Variants in SLC75A1 observed in about 807,000 individuals in gnomAD.
SLC75A1 encodes the protein major facilitator superfamily domain containing 10.
At chr4:2,934,333 C>T in the SLC75A1 span, 1 of 221,514 alleles carries the variant, frequency 4.5e-6, no homozygotes, top group African/African-American at 2.3e-5. Context: ...CAGCCCCGGC[C>T]CGCGCCCCGC....
chr4:2,932,313 C>T, the SLC75A1 span: 2 of 1,594,870 alleles, frequency 1.3e-6, no homozygotes. Context: ...ATCAAGCCTC[C>T]AGCCCCTAGG....
chr4:2,931,902 GT>G, the SLC75A1 span: 1 of 1,611,284 alleles, frequency 6.2e-7, no homozygotes, highest in Non-Finnish European at 8.5e-7. Flanking sequence ...GGTAGAGGAA[GT>G]AGACTAGGCC....
chr4:2,931,955 T>C, the SLC75A1 span: 2 of 1,602,796 alleles, frequency 1.2e-6, no homozygotes, highest in East Asian at 2.2e-5. Context: ...AGGTGGCGCG[T>C]GCTGAGAAGG....
chr4:2,931,608 C>T, the SLC75A1 span: 1 of 1,613,614 alleles, frequency 6.2e-7, no homozygotes, highest in South Asian at 1.1e-5. Context: ...GCATAGGCAC[C>T]CTGGATGGTG....
chr4:2,930,729 C>T, the SLC75A1 span: 1 of 1,309,452 alleles, frequency 7.6e-7, no homozygotes. Context: ...CCGGCCCCCA[C>T]CCACAGGGTC....
chr4:2,933,488 G>T, the SLC75A1 span: 1 of 1,466,634 alleles, frequency 6.8e-7, no homozygotes, highest in South Asian at 1.1e-5. Context: ...ACCGAGAATT[G>T]GGGAGGGGCC....
the SLC75A1 span, chr4:2,930,708 C>G: frequency 3.9e-6 from 4 of 1,015,876 alleles, no homozygotes; most frequent in Admixed American, 8.5e-5. Context: ...CCTGAGCTTC[C>G]TGCTTAGGGG....
chr4:2,931,899 G>T, the SLC75A1 span: 1 of 1,611,476 alleles, frequency 6.2e-7, no homozygotes, highest in Non-Finnish European at 8.5e-7. Flanking sequence ...AGAGGTAGAG[G>T]AAGTAGACTA....
chr4:2,931,096 A>G, the SLC75A1 span: 2 of 1,594,528 alleles, frequency 1.3e-6, no homozygotes, highest in Non-Finnish European at 1.7e-6. Flanking sequence ...GGCCCTGGCC[A>G]GAGCACCTAG....
the SLC75A1 span, chr4:2,931,766 C>T: frequency 6.5e-7 from 1 of 1,547,700 alleles, no homozygotes; most frequent in African/African-American, 1.4e-5. Flanking sequence ...GGGGTTGCTT[C>T]CCTGAAGCAG....
At chr4:2,934,380 G>T in the SLC75A1 span, 1 of 194,652 alleles carries the variant, frequency 5.1e-6, no homozygotes, top group African/African-American at 2.5e-5. Flanking sequence ...TCTCCCTGGC[G>T]GGGGCCATGG....
chr4:2,931,456 G>A, the SLC75A1 span: 7 of 1,570,150 alleles, frequency 4.5e-6, no homozygotes, highest in Admixed American at 5.7e-5. Flanking sequence ...GGCACCAGCA[G>A]CAGGAGGGCC....
At chr4:2,933,687 A>C in the SLC75A1 span, 1 of 1,612,342 alleles carries the variant, frequency 6.2e-7, no homozygotes. Context: ...AATCACGATA[A>C]GGGCTGGGGA....
chr4:2,933,973 C>A, the SLC75A1 span: 2 of 1,522,596 alleles, frequency 1.3e-6, no homozygotes, highest in East Asian at 2.5e-5. Context: ...GTCGGGTTAG[C>A]GGGGAAGCCG....
At chr4:2,930,983 C>T in the SLC75A1 span, 6 of 1,612,710 alleles carry the variant, frequency 3.7e-6, no homozygotes, top group Non-Finnish European at 5.1e-6. Flanking sequence ...TCACCCAGTC[C>T]CCGAGGGGGC....
chr4:2,931,801 G>A, the SLC75A1 span: 2 of 1,571,266 alleles, frequency 1.3e-6, no homozygotes, highest in Non-Finnish European at 8.7e-7. Context: ...GGAGACAGCA[G>A]GCCGTCGCCA....
At chr4:2,932,249 C>A in the SLC75A1 span, 1 of 1,549,444 alleles carries the variant, frequency 6.5e-7, no homozygotes, top group South Asian at 1.2e-5. Flanking sequence ...GAGAGCGGCC[C>A]AGCCTCCCTG....
the SLC75A1 span, chr4:2,933,890 GC>G: frequency 6.3e-7 from 1 of 1,576,272 alleles, no homozygotes; most frequent in Admixed American, 1.8e-5. Context: ...ATGGGTGGGC[GC>G]GGGGTGCAGC....
the SLC75A1 span, chr4:2,932,754 C>A: frequency 6.4e-7 from 1 of 1,560,714 alleles, no homozygotes; most frequent in African/African-American, 1.4e-5. Flanking sequence ...GGTGGCCACA[C>A]CCATCTGCCC....
Sources: allele counts gnomAD v4.1 joint callset, GRCh38; gene constraint gnomAD v4.1.1; transcripts MANE v1.5; gene names NCBI Gene and HGNC (gene_info 2026-07-23, HGNC 2026-07-21).